DLGAP1: variants seen among roughly 807,000 people sequenced by gnomAD.
DLGAP1 encodes disks large-associated protein 1.
DLGAP1 carries 11 observed loss-of-function variants against 90.8 expected under a neutral mutation model. The ratio of observed to expected loss-of-function variants is 0.12; its 90% confidence interval spans 0.08 to 0.20. The LOEUF (loss-of-function observed/expected upper bound fraction) is 0.20, where lower values mean the gene tolerates loss of function less well. DLGAP1 is among the 10% of genes least tolerant of loss of function. The pLI is 1.00. For synonymous variants in DLGAP1, 558 were observed against 540.7 expected, an observed-to-expected ratio of 1.03 and a Z score of -0.44; for missense variants, 1,050 against 1,333.8, an observed-to-expected ratio of 0.79 and a Z score of 3.31.
intron 3 of DLGAP1, among the ~76,000 whole-genome samples, chr18:3,906,648 G>A (rs1044463678): frequency 6.6e-6 from 1 of 152,212 alleles, no homozygotes; most frequent in African/African-American, 2.4e-5. Context: ...AAAATGGTAA[G>A]CTGTGTAAAG....
At chr18:4,429,165 G>A (rs970548525) in intron 1 of DLGAP1, among the ~76,000 whole-genome samples, 23 of 152,068 alleles carry the variant, frequency 1.5e-4, no homozygotes, top group African/African-American at 5.3e-4. Context: ...ATATATAAAG[G>A]CAATTTCTCT....
chr18:3,720,613 G>A (rs1433577556), intron 7 of DLGAP1, among the ~76,000 whole-genome samples: 1 of 152,110 alleles, frequency 6.6e-6, no homozygotes, highest in African/African-American at 2.4e-5. Flanking sequence ...AAGTGGCTTT[G>A]CAGCATTGTC....
At chr18:4,447,805 T>G (rs1259369302) in intron 1 of DLGAP1, among the ~76,000 whole-genome samples, 1 of 152,154 alleles carries the variant, frequency 6.6e-6, no homozygotes, top group Admixed American at 6.5e-5. Flanking sequence ...AATGTAAGCC[T>G]CACTAAAACA....
intron 1 of DLGAP1, among the ~76,000 whole-genome samples, chr18:4,259,761 A>T (rs138183058): frequency 1.3e-5 from 2 of 152,320 alleles, no homozygotes; most frequent in Non-Finnish European, 2.9e-5. Flanking sequence ...AAAGAACAAA[A>T]ATAAAATAGT....
chr18:4,369,278 T>G (rs572802894), intron 1 of DLGAP1, among the ~76,000 whole-genome samples: 104 of 150,740 alleles, frequency 6.9e-4, no homozygotes, highest in African/African-American at 2.5e-3. Flanking sequence ...TGTTTGTGTA[T>G]ACATGCATAT....
At chr18:3,669,914 C>T (rs1482931062) in intron 7 of DLGAP1, among the ~76,000 whole-genome samples, 2 of 152,200 alleles carry the variant, frequency 1.3e-5, no homozygotes, top group African/African-American at 2.4e-5. Flanking sequence ...GGGGCTTCAG[C>T]TGTAAACATT....
chr18:4,426,395 G>A (rs1334450003), intron 1 of DLGAP1, among the ~76,000 whole-genome samples: 5 of 152,156 alleles, frequency 3.3e-5, no homozygotes, highest in African/African-American at 9.7e-5. Context: ...TACAAATGCT[G>A]GCGGTGACTG....
At chr18:3,522,097 G>A (rs954385601) in intron 10 of DLGAP1, among the ~76,000 whole-genome samples, 1 of 128,456 alleles carries the variant, frequency 7.8e-6, no homozygotes, top group Non-Finnish European at 1.7e-5. Flanking sequence ...TTCAAGTTTT[G>A]CCTTTTTTTT....
intron 3 of DLGAP1, among the ~76,000 whole-genome samples, chr18:4,003,250 G>A (rs1320350006): frequency 2.0e-5 from 3 of 152,132 alleles, no homozygotes; most frequent in Non-Finnish European, 4.4e-5. Flanking sequence ...CTCTGCTCTT[G>A]GTAGAGACAG....
rs115329972 is a variant in DLGAP1, at chr18:4,407,471, G to C, written c.-267+47535C>G. On this transcript the variant is annotated intron_variant, in intron 1 of 12. Transcript: ENST00000315677. ...TCATTACTGACTCCACTTGCAAGTA[G>C]AGTAGCAGTAACGCAAAGCAGTCAA... is the stretch of plus-strand genomic sequence containing the variant. 9.3e-3 allele frequency among the ~76,000 whole-genome samples: 1,417 copies of C among 152,332 alleles called. 26 individuals carry two copies. The highest frequency in any genetic ancestry group is 0.033 in the African/African-American group (1,369 of 41,570).
chr18:3,602,409 G>C (rs945067315), intron 7 of DLGAP1, among the ~76,000 whole-genome samples: 36 of 151,922 alleles, frequency 2.4e-4, no homozygotes, highest in Non-Finnish European at 3.4e-4. Flanking sequence ...TCCTGGCTAA[G>C]ACAGTGAAAC....
At chr18:4,346,046 C>T (rs1202393330) in intron 1 of DLGAP1, among the ~76,000 whole-genome samples, 9 of 152,102 alleles carry the variant, frequency 5.9e-5, no homozygotes, top group South Asian at 2.1e-4. Flanking sequence ...GCACCACTCA[C>T]GATGTGCTGA....
intron 3 of DLGAP1, among the ~76,000 whole-genome samples, chr18:3,964,099 G>C (rs1384502172): frequency 6.6e-6 from 1 of 151,990 alleles, no homozygotes; most frequent in Admixed American, 6.6e-5. Context: ...AGGAGGAGTG[G>C]GTTAAGATGA....
At chr18:3,633,898 T>G (rs1049992351) in intron 7 of DLGAP1, among the ~76,000 whole-genome samples, 1 of 152,176 alleles carries the variant, frequency 6.6e-6, no homozygotes, top group Non-Finnish European at 1.5e-5. Context: ...ACTACGGCCA[T>G]GCATGAAAAC....
At chr18:3,523,779 C>T (rs750242076) in intron 10 of DLGAP1, among the ~76,000 whole-genome samples, 17 of 149,732 alleles carry the variant, frequency 1.1e-4, no homozygotes, top group South Asian at 2.1e-4. Flanking sequence ...ACTCAGAAGG[C>T]GGAGCTTGCA....
chr18:4,358,809 G>C (rs141444670), intron 1 of DLGAP1, among the ~76,000 whole-genome samples: 1 of 152,296 alleles, frequency 6.6e-6, no homozygotes, highest in Non-Finnish European at 1.5e-5. Context: ...GCAGGTATTC[G>C]GTGCTGCCTG....
chr18:4,174,608 C>T (rs937952494), intron 1 of DLGAP1, among the ~76,000 whole-genome samples: 1 of 152,172 alleles, frequency 6.6e-6, no homozygotes, highest in Non-Finnish European at 1.5e-5. Context: ...GCTGGGATTA[C>T]AGGCATGAGC....
intron 3 of DLGAP1, chr18:3,993,311 CAG>C (rs747155220): frequency 2.0e-5 from 3 of 152,098 alleles, no homozygotes; most frequent in Non-Finnish European, 2.9e-5. Context: ...AGAAAAGAAA[CAG>C]AATAAATTTT....
intron 7 of DLGAP1, among the ~76,000 whole-genome samples, chr18:3,662,108 A>G (rs368561279): frequency 6.7e-6 from 1 of 148,710 alleles, no homozygotes; most frequent in Non-Finnish European, 1.5e-5. Flanking sequence ...TAAAAAAAAA[A>G]TTTTTTTTAA....
Sources: allele counts gnomAD v4.1 joint callset (sites outside exome capture counted in the v4.1 genomes callset), GRCh38; gene constraint gnomAD v4.1.1; transcripts MANE v1.5; gene names NCBI Gene and HGNC (gene_info 2026-07-23, HGNC 2026-07-21).